Variants in AIMP1 observed in about 807,000 individuals in gnomAD.
AIMP1 encodes the protein aminoacyl tRNA synthase complex-interacting multifunctional protein 1.
A neutral mutation model predicts 33.1 loss-of-function variants in AIMP1; 24 were observed. The ratio of observed to expected loss-of-function variants is 0.73; its 90% CI spans 0.53 to 1.02. AIMP1 has a LOEUF of 1.02. Ranked by LOEUF, AIMP1 falls within the 50% of genes least tolerant of loss-of-function variation. The pLI, the probability that AIMP1 is intolerant of heterozygous loss-of-function variation, is 0.00. For synonymous variants in AIMP1, 120 were observed against 121.5 expected (o/e 0.99, Z 0.08); for missense variants, 367 against 364.8 (o/e 1.01, Z -0.05).
intron 6 of AIMP1, among the ~76,000 whole-genome samples, chr4:106,346,642 T>C (rs1770312042): frequency 6.6e-6 from 1 of 152,128 alleles, no homozygotes; most frequent in African/African-American, 2.4e-5. Flanking sequence ...AACCCAAAAT[T>C]TAAGCCATTC....
chr4:106,327,781 A>C (rs1255374574), intron 3 of AIMP1, among the ~76,000 whole-genome samples: 1 of 152,146 alleles, frequency 6.6e-6, no homozygotes. Context: ...CATTTTGAAA[A>C]GTGTTTGGGG....
At chr4:106,329,042 CT>C (rs33975641) in intron 4 of AIMP1, among the ~76,000 whole-genome samples, 14,930 of 136,692 alleles carry the variant, frequency 0.11, 719 homozygotes, top group African/African-American at 0.18. Context: ...AACTTATTTA[CT>C]TTTTTTTTTT....
rs567897281 is a variant in AIMP1 at position 106,328,967 on chromosome 4, C to G, written c.391+724C>G. On this transcript the variant is annotated intron_variant, in intron 4 of 6. Transcript: ENST00000672341. Reference sequence around the variant, plus strand: ...TTATTCTAATTGTAAATCTGACTTCCTTTCCCCAGATATGTCTAAAAAGTT... The same window carrying G: ...TTATTCTAATTGTAAATCTGACTTCGTTTCCCCAGATATGTCTAAAAAGTT... Among the ~76,000 whole-genome samples, 166 of 151,810 alleles carry G rather than the reference C, an allele frequency of 1.1e-3. No homozygotes were observed. The Middle Eastern group carries it at 0.014, about 13-fold the overall frequency.
At chr4:106,316,410 T>C (rs1358627381), upstream of AIMP1, 9 of 783,534 alleles carry the variant, frequency 1.1e-5, no homozygotes, top group East Asian at 2.5e-4. Flanking sequence ...AGGAGCGTGG[T>C]ATGGCAGGTT....
chr4:106,341,108 T>G (rs1039789675), intron 6 of AIMP1, among the ~76,000 whole-genome samples: 1 of 152,158 alleles, frequency 6.6e-6, no homozygotes, highest in Non-Finnish European at 1.5e-5. Flanking sequence ...AGTTATTTGT[T>G]TTTTGCTTGT....
At position 106,328,114 on chromosome 4, in the gene AIMP1, G is replaced by A. The variant is rs760544963; in HGVS notation, c.262G>A (p.Ala88Thr). The stretch of plus-strand genomic sequence containing the variant: ...ATTTCCATCTGGTACTCCACTGCAC[G>A]CTAATTCTATGGTTTCTGAAAATGT... ...IPFPSGTPLH[A>T]NSMVSENVIQ... The change falls in exon 4 of 7, where the codon GCT becomes ACT. Residue 88 changes from alanine to threonine, a missense_variant. Transcript: ENST00000672341. 25 of 1,613,222 alleles carry A rather than the reference G, an allele frequency of 1.5e-5. No individual in the cohort carries two copies. The highest frequency in any genetic ancestry group is 3.3e-5 in the South Asian group (3 of 91,058).
chr4:106,338,239 C>T (rs1656474170), intron 6 of AIMP1, among the ~76,000 whole-genome samples: 3 of 152,212 alleles, frequency 2.0e-5, no homozygotes, highest in African/African-American at 7.2e-5. Flanking sequence ...CAGAAATTTG[C>T]ATAAGCAATG....
intron 4 of AIMP1, 68 bp downstream of exon 4, chr4:106,328,311 GATA>G (rs1769538333): frequency 1.6e-5 from 24 of 1,495,588 alleles, no homozygotes; most frequent in Non-Finnish European, 1.8e-5. Context: ...TTTTGATAAT[GATA>G]ATAATAATAG....
At chr4:106,329,995 C>T (rs1769613038) in intron 4 of AIMP1, among the ~76,000 whole-genome samples, 1 of 151,920 alleles carries the variant, frequency 6.6e-6, no homozygotes. Flanking sequence ...ATTGGTCAGG[C>T]TGGTCTCGAA....
At position 106,347,532 on chromosome 4, in the gene AIMP1, C is replaced by G; in HGVS notation, c.779C>G (p.Pro260Arg). ...CTTTTTTTCTCCTACACAGGAGAGC[C>G]TGACAAGGAGCTGAATCCTAAGAAG... ...RITFDAFPGE[P>R]DKELNPKKKI... is the part of the protein sequence containing the mutation. The change falls in exon 7 of 7, where the codon CCT (proline) becomes CGT (arginine). Residue 260 changes from proline to arginine, a missense_variant. Physicochemically the swap from Pro to Arg is moderately radical, Grantham distance 103 (BLOSUM62 -2). Coordinates refer to ENST00000672341, the MANE Select transcript of AIMP1 (RefSeq NM_001142416.2). 2 of 1,612,582 alleles carry G rather than the reference C, an allele frequency of 1.2e-6. No homozygotes were observed. The highest frequency in any genetic ancestry group is 1.7e-6 in the Non-Finnish European group (2 of 1,179,232).
Position 106,347,541 on chromosome 4 carries a change from A to ATT in AIMP1, c.788_789insTT (p.Glu263AspfsTer3), listed in dbSNP as rs1261015715. 3.7e-6 allele frequency: 6 copies of ATT among 1,612,940 alleles called. No individual in the cohort carries two copies. The highest frequency in any genetic ancestry group is 5.1e-6 in the Non-Finnish European group (6 of 1,179,484). The stretch of plus-strand genomic sequence containing the variant: ...TCCTACACAGGAGAGCCTGACAAGG[A>ATT]GCTGAATCCTAAGAAGAAGATTTGG... On this transcript the variant is annotated frameshift_variant, in exon 7 of 7. Transcript: ENST00000672341. LOFTEE classifies it high-confidence loss of function.
intron 5 of AIMP1, among the ~76,000 whole-genome samples, chr4:106,336,475 G>A (rs1458602714): frequency 6.6e-6 from 1 of 152,148 alleles, no homozygotes; most frequent in Non-Finnish European, 1.5e-5. Flanking sequence ...TATTATGCAT[G>A]TTATGATTTA....
At chr4:106,319,525 G>C (rs1277877941) in intron 1 of AIMP1, among the ~76,000 whole-genome samples, 2 of 152,076 alleles carry the variant, frequency 1.3e-5, no homozygotes. Flanking sequence ...GAATGATTTA[G>C]ATAATATGTT....
chr4:106,325,351 C>A (rs910202344), intron 2 of AIMP1, among the ~76,000 whole-genome samples: 4 of 151,932 alleles, frequency 2.6e-5, no homozygotes, highest in Admixed American at 6.6e-5. Context: ...ATTTCAAAAT[C>A]TTTTGCTGTC....
chr4:106,346,074 AG>A (rs1770285159), intron 6 of AIMP1, among the ~76,000 whole-genome samples: 1 of 151,830 alleles, frequency 6.6e-6, no homozygotes, highest in Non-Finnish European at 1.5e-5. Context: ...GAATCATCGA[AG>A]TTCTACAGCT....
rs777680841 is a variant in AIMP1 at position 106,331,753 on chromosome 4, G to A, written c.473G>A (p.Arg158Gln). 15 of 1,613,934 alleles carry A rather than the reference G, an allele frequency of 9.3e-6. No homozygotes were observed. The East Asian group carries it at 1.6e-4, about 17-fold the overall frequency. The change falls in exon 5 of 7, where the codon CGA (arginine) becomes CAA (glutamine). Residue 158 changes from arginine to glutamine, a missense_variant. By Grantham distance (43) the Arg-to-Gln change is conservative. Coordinates refer to ENST00000672341, the MANE Select transcript of AIMP1 (RefSeq NM_001142416.2). ...KPIDVSRLDL[R>Q]IGCIITARKH... ...ATAGATGTTTCCCGTCTGGATCTTC[G>A]AATTGGTTGCATCATAACTGCTAGA...
intron 6 of AIMP1, among the ~76,000 whole-genome samples, chr4:106,337,459 CTT>C (rs1409888369): frequency 4.6e-5 from 7 of 152,164 alleles, no homozygotes; most frequent in Non-Finnish European, 7.3e-5. Context: ...CGCATGCTCT[CTT>C]GTCTGCTACT....
chr4:106,316,443 G>A (rs2125915707), upstream of AIMP1: 2 of 1,157,238 alleles, frequency 1.7e-6, no homozygotes, highest in East Asian at 2.6e-5. Context: ...CACAGGAAGA[G>A]GAAGAAAGAA....
chr4:106,319,856 T>C (rs1172073651), intron 1 of AIMP1, among the ~76,000 whole-genome samples: 1 of 152,208 alleles, frequency 6.6e-6, no homozygotes, highest in Non-Finnish European at 1.5e-5. Context: ...TATTGGAAAA[T>C]GCTTCGTAAT....
Sources: gnomAD v4.1 joint callset for allele counts (sites outside exome capture counted in the v4.1 genomes callset) on GRCh38, gnomAD v4.1.1 for gene constraint, MANE v1.5 for transcripts, NCBI Gene and HGNC (gene_info 2026-07-23, HGNC 2026-07-21) for gene names.